The following SUCLG2 variants were observed in gnomAD, a reference collection of about 807,000 sequenced individuals.
The protein encoded by SUCLG2 is succinate--CoA ligase [GDP-forming] subunit beta, mitochondrial.
A neutral mutation model predicts 47.9 loss-of-function variants in SUCLG2; 42 were observed. The ratio of observed to expected loss-of-function variants is 0.88; its 90% CI spans 0.69 to 1.14. The LOEUF (loss-of-function observed/expected upper bound fraction) is 1.14, where lower values mean the gene tolerates loss of function less well. Ranked by LOEUF, SUCLG2 falls within the 50% of genes most tolerant of loss-of-function variation. SUCLG2 has a pLI of 0.00. For synonymous variants in SUCLG2, 195 were observed against 197.3 expected (o/e 0.99, Z 0.10); for missense variants, 571 against 525.9 (o/e 1.09, Z -0.84).
At chr3:67,367,216 G>T (rs1489912289) in intron 10 of SUCLG2, among the ~76,000 whole-genome samples, 1 of 152,036 alleles carries the variant, frequency 6.6e-6, no homozygotes, top group Non-Finnish European at 1.5e-5. Context: ...ATTTTTAAAT[G>T]TTATTTGAAT....
At chr3:67,549,356 A>T (rs997213169) in intron 2 of SUCLG2, among the ~76,000 whole-genome samples, 1 of 152,224 alleles carries the variant, frequency 6.6e-6, no homozygotes, top group Non-Finnish European at 1.5e-5. Context: ...ATGGGACTCC[A>T]GACTTTTGAT....
chr3:67,461,062 T>C (rs1342323568), intron 9 of SUCLG2, among the ~76,000 whole-genome samples: 1 of 152,210 alleles, frequency 6.6e-6, no homozygotes, highest in Non-Finnish European at 1.5e-5. Flanking sequence ...GAGTCGTACC[T>C]TTCCTGCTGA....
intron 9 of SUCLG2, among the ~76,000 whole-genome samples, chr3:67,475,870 G>C (rs1359278841): frequency 6.6e-6 from 1 of 151,870 alleles, no homozygotes; most frequent in African/African-American, 2.4e-5. Context: ...TTTCCCTTTT[G>C]CAAGTGTGTA....
intron 4 of SUCLG2, among the ~76,000 whole-genome samples, chr3:67,524,406 A>G (rs17028544): frequency 0.083 from 12,613 of 152,240 alleles, 732 homozygotes; most frequent in East Asian, 0.27. Context: ...ACACCCATGA[A>G]CAGAGAAGAT....
At chr3:67,614,468 C>A (rs973591164) in intron 1 of SUCLG2, among the ~76,000 whole-genome samples, 1 of 151,784 alleles carries the variant, frequency 6.6e-6, no homozygotes, top group African/African-American at 2.4e-5. Flanking sequence ...TCCTTCCTCT[C>A]CTATGGCTCA....
chr3:67,480,110 C>T (rs1374129810), intron 9 of SUCLG2, among the ~76,000 whole-genome samples: 2 of 148,458 alleles, frequency 1.3e-5, no homozygotes, highest in African/African-American at 5.0e-5. Context: ...CACCATAGGA[C>T]GCAAGAGTGT....
intron 9 of SUCLG2, among the ~76,000 whole-genome samples, chr3:67,465,489 C>A (rs1212118122): frequency 1.3e-5 from 2 of 152,178 alleles, no homozygotes; most frequent in Non-Finnish European, 2.9e-5. Flanking sequence ...CCCTCTCTGG[C>A]CACCCCATCT....
chr3:67,653,136 T>C (rs1701317418), intron 1 of SUCLG2, among the ~76,000 whole-genome samples: 1 of 152,222 alleles, frequency 6.6e-6, no homozygotes, highest in Non-Finnish European at 1.5e-5. Flanking sequence ...TCAGTTTCTC[T>C]GTACAATTCA....
chr3:67,466,622 A>T lies in SUCLG2; in HGVS notation c.1062+29176T>A, dbSNP rs181889225. Among the ~76,000 whole-genome samples, 6 of 152,356 alleles carry T rather than the reference A, an allele frequency of 3.9e-5. No homozygotes were observed. In the East Asian group the frequency reaches 9.7e-4, roughly 25 times the overall value. On this transcript the variant is annotated intron_variant, in intron 9 of 10. Coordinates refer to ENST00000307227, the MANE Select transcript of SUCLG2 (RefSeq NM_003848.4). ...TCATGCTATCAAGATGGCATCCGGC[A>T]AGATGAGATGACACTGAAGTTTGTC...
chr3:67,449,260 G>A (rs920186952), intron 9 of SUCLG2, among the ~76,000 whole-genome samples: 1 of 152,206 alleles, frequency 6.6e-6, no homozygotes, highest in South Asian at 2.1e-4. Context: ...CAAGTAAAGA[G>A]TGCCACATCT....
At chr3:67,382,993 A>G (rs1023925958) in intron 10 of SUCLG2, among the ~76,000 whole-genome samples, 2 of 152,208 alleles carry the variant, frequency 1.3e-5, no homozygotes, top group East Asian at 1.9e-4. Flanking sequence ...GTAAATTTAG[A>G]TAACTTTTCA....
intron 9 of SUCLG2, among the ~76,000 whole-genome samples, chr3:67,419,183 C>G (rs538015922): frequency 6.6e-6 from 1 of 152,168 alleles, no homozygotes; most frequent in Non-Finnish European, 1.5e-5. Context: ...AAGAAACTGA[C>G]TTTCTGTTGA....
At chr3:67,558,600 T>C (rs1283842822) in intron 2 of SUCLG2, among the ~76,000 whole-genome samples, 3 of 152,184 alleles carry the variant, frequency 2.0e-5, no homozygotes, top group African/African-American at 7.2e-5. Flanking sequence ...TTGAAAAGAA[T>C]AGTTTGTCTC....
intron 2 of SUCLG2, among the ~76,000 whole-genome samples, chr3:67,600,719 G>T (rs1203717062): frequency 6.6e-6 from 1 of 152,164 alleles, no homozygotes; most frequent in African/African-American, 2.4e-5. Context: ...TAGCTGAAAT[G>T]ACACAGTCCA....
At chr3:67,371,280 T>A (rs1701949092), downstream of SUCLG2, among the ~76,000 whole-genome samples, 2 of 152,192 alleles carry the variant, frequency 1.3e-5, no homozygotes, top group Non-Finnish European at 2.9e-5. Context: ...TAATTTTGGA[T>A]TTGTGAAATT....
At chr3:67,586,737 G>A (rs1202059500) in intron 2 of SUCLG2, among the ~76,000 whole-genome samples, 1 of 152,154 alleles carries the variant, frequency 6.6e-6, no homozygotes, top group Admixed American at 6.5e-5. Flanking sequence ...ACACAGACTG[G>A]GACAGGTGGA....
At chr3:67,492,717 ACT>A (rs1167682286) in intron 9 of SUCLG2, among the ~76,000 whole-genome samples, 1 of 152,032 alleles carries the variant, frequency 6.6e-6, no homozygotes, top group South Asian at 2.1e-4. Flanking sequence ...CTTGAAAAAG[ACT>A]CTTGTTTTAT....
chr3:67,544,862 G>T (rs777724226), intron 2 of SUCLG2, among the ~76,000 whole-genome samples: 29 of 152,150 alleles, frequency 1.9e-4, no homozygotes, highest in Non-Finnish European at 3.4e-4. Flanking sequence ...TGCTATTTCA[G>T]ATATTCAGAA....
intron 9 of SUCLG2, among the ~76,000 whole-genome samples, chr3:67,469,457 C>G (rs1230307766): frequency 6.6e-6 from 1 of 152,088 alleles, no homozygotes; most frequent in Non-Finnish European, 1.5e-5. Flanking sequence ...TGGCTGGGTG[C>G]GGTGGCTCAC....
Sources: gnomAD v4.1 joint callset for allele counts (sites outside exome capture counted in the v4.1 genomes callset) on GRCh38, gnomAD v4.1.1 for gene constraint, MANE v1.5 for transcripts, NCBI Gene and HGNC (gene_info 2026-07-23, HGNC 2026-07-21) for gene names.